The following CCR3 variants were observed in gnomAD, a reference collection of about 807,000 sequenced individuals.
The protein encoded by CCR3 is C-C motif chemokine receptor 3, also known as C-C chemokine receptor type 3.
For synonymous variants in CCR3, 203 were observed against 179.2 expected, an observed-to-expected ratio of 1.13 and a Z score of -1.06; for missense variants, 419 against 437.5, an observed-to-expected ratio of 0.96 and a Z score of 0.38.
intron 2 of CCR3, among the ~76,000 whole-genome samples, chr3:46,218,108 A>C (rs1305316425): frequency 6.6e-6 from 1 of 152,156 alleles, no homozygotes; most frequent in Non-Finnish European, 1.5e-5. Flanking sequence ...AGTTCCAAGT[A>C]AGCTCAATTA....
rs1700636763 is a variant in CCR3, at chr3:46,266,443, C to T, written c.*217C>T. 1 of 448,096 alleles carries T rather than the reference C, an allele frequency of 2.2e-6. No homozygotes were observed. The highest frequency in any genetic ancestry group is 4.1e-6 in the Non-Finnish European group (1 of 246,452). The allele number at this position is 448,096 out of a possible 1,614,324, so 27.8% of individuals were successfully genotyped here. A position where few individuals can be genotyped will look rare whatever the true frequency, so the allele number is the denominator to read the frequency against. On this transcript the variant is annotated 3_prime_UTR_variant, in exon 2 of 2. Coordinates refer to ENST00000395940, the MANE Select transcript of CCR3 (RefSeq NM_178329.3). ...GCTGGGCAGCGTACTCATCATCAAC[C>T]CTAAAAAGCAGAGCTTTGCTTCTCT...
At chr3:46,253,440 C>T (rs912102371) in intron 1 of CCR3, among the ~76,000 whole-genome samples, 24 of 152,264 alleles carry the variant, frequency 1.6e-4, no homozygotes, top group East Asian at 1.2e-3. Flanking sequence ...AGGATGGATA[C>T]GCTTGGCTTC....
At chr3:46,251,210 G>A (rs1260301494) in intron 1 of CCR3, among the ~76,000 whole-genome samples, 13 of 152,246 alleles carry the variant, frequency 8.5e-5, no homozygotes, top group South Asian at 6.2e-4. Context: ...CCCTTGAAAC[G>A]TGGGTGAATA....
At position 46,226,036 on chromosome 3, in the gene CCR3, T is replaced by C. The variant is rs150461922; in HGVS notation, c.-68+15129T>C. Among the ~76,000 whole-genome samples, 504 of 152,358 alleles carry C rather than the reference T, an allele frequency of 3.3e-3. 2 individuals are homozygous for C. Among genetic ancestry groups the C allele is most frequent in the African/African-American group, 0.012 (490 of 41,584 alleles). Reference sequence around the variant, plus strand: ...AGTTCTCTATTTGTTCTTTGATCAGTATGTCTATCTCTCTGCCAATATCAC... The same window carrying C: ...AGTTCTCTATTTGTTCTTTGATCAGCATGTCTATCTCTCTGCCAATATCAC... On this transcript the variant is annotated intron_variant, in intron 2 of 3. Coordinates refer to the CCR3 transcript ENST00000357422.
chr3:46,219,765 A>G (rs35984988), intron 2 of CCR3, among the ~76,000 whole-genome samples: 25,051 of 152,138 alleles, frequency 0.16, 2,993 homozygotes, highest in African/African-American at 0.33. Context: ...AACGAATGGT[A>G]CTGGGATAAT....
chr3:46,227,944 C>T (rs1002890082), intron 2 of CCR3, among the ~76,000 whole-genome samples: 1 of 151,584 alleles, frequency 6.6e-6, no homozygotes, highest in Non-Finnish European at 1.5e-5. Context: ...GGTGAATGTT[C>T]CATAGGTACT....
chr3:46,228,749 C>A (rs75012616), intron 2 of CCR3, among the ~76,000 whole-genome samples: 1 of 152,222 alleles, frequency 6.6e-6, no homozygotes, highest in African/African-American at 2.4e-5. Context: ...TATAATCTTG[C>A]GTTGCCTTAA....
chr3:46,244,973 C>T (rs1448063080), intron 1 of CCR3, among the ~76,000 whole-genome samples: 1 of 152,158 alleles, frequency 6.6e-6, no homozygotes, highest in African/African-American at 2.4e-5. Flanking sequence ...TGCATACTTT[C>T]CTTGTGAAAA....
intron 2 of CCR3, among the ~76,000 whole-genome samples, chr3:46,228,291 G>A (rs1280750437): frequency 2.0e-5 from 3 of 151,788 alleles, no homozygotes; most frequent in Non-Finnish European, 2.9e-5. Flanking sequence ...TTGTTACAAA[G>A]AGAAATTTTT....
chr3:46,252,147 T>C (rs1280211453), intron 1 of CCR3, among the ~76,000 whole-genome samples: 5 of 150,158 alleles, frequency 3.3e-5, no homozygotes, highest in Admixed American at 3.3e-4. Flanking sequence ...AAGTGCTCAA[T>C]AGCCATGAGG....
intron 1 of CCR3, among the ~76,000 whole-genome samples, chr3:46,243,781 A>G (rs1044999364): frequency 1.3e-5 from 2 of 152,224 alleles, no homozygotes; most frequent in African/African-American, 2.4e-5. Flanking sequence ...TAATAAGAAA[A>G]AAGCAGATCT....
At chr3:46,235,832 G>T (rs115064170) in intron 2 of CCR3, among the ~76,000 whole-genome samples, 8 of 152,306 alleles carry the variant, frequency 5.3e-5, no homozygotes, top group African/African-American at 1.9e-4. Flanking sequence ...GCTGTCATTT[G>T]TGATAAGCAC....
At chr3:46,251,909 G>C (rs967382259) in intron 1 of CCR3, among the ~76,000 whole-genome samples, 20 of 152,084 alleles carry the variant, frequency 1.3e-4, no homozygotes, top group African/African-American at 4.8e-4. Context: ...GCAAGGACCA[G>C]CCATTTACAC....
intron 2 of CCR3, among the ~76,000 whole-genome samples, chr3:46,215,537 C>A (rs1316438298): frequency 6.6e-6 from 1 of 152,204 alleles, no homozygotes; most frequent in African/African-American, 2.4e-5. Flanking sequence ...TCAGGCCCCA[C>A]CACAGGTTTA....
chr3:46,226,630 A>T (rs114377675), intron 2 of CCR3, among the ~76,000 whole-genome samples: 3,348 of 152,050 alleles, frequency 0.022, 113 homozygotes, highest in African/African-American at 0.067. Context: ...TCCAATCTGT[A>T]TGCCTTTTAT....
chr3:46,230,955 C>A (rs190030597), intron 2 of CCR3, among the ~76,000 whole-genome samples: 1 of 152,144 alleles, frequency 6.6e-6, no homozygotes, highest in African/African-American at 2.4e-5. Context: ...GAAGGTGTCT[C>A]GCTCTGTCGT....
chr3:46,242,590 C>T (rs1267953864), intron 1 of CCR3, 52 bp downstream of exon 1: 2 of 151,792 alleles, frequency 1.3e-5, no homozygotes, highest in Non-Finnish European at 2.9e-5. Flanking sequence ...GGGGTCCAGG[C>T]AGGTGGAAGT....
chr3:46,246,880 G>A (rs555100345), intron 1 of CCR3, among the ~76,000 whole-genome samples: 29 of 152,184 alleles, frequency 1.9e-4, no homozygotes, highest in Middle Eastern at 3.4e-3. Context: ...AACCTAGAGT[G>A]GGAGAGATTA....
intron 1 of CCR3, among the ~76,000 whole-genome samples, chr3:46,248,715 GT>G (rs1262961264): frequency 6.6e-6 from 1 of 152,168 alleles, no homozygotes; most frequent in Non-Finnish European, 1.5e-5. Context: ...AGCCTAATGG[GT>G]GTCAGGGTCA....
Sources: allele counts gnomAD v4.1 joint callset (sites outside exome capture counted in the v4.1 genomes callset), GRCh38; gene constraint gnomAD v4.1.1; transcripts MANE v1.5; gene names NCBI Gene and HGNC (gene_info 2026-07-23, HGNC 2026-07-21).